NRXN3: variants seen among roughly 807,000 people sequenced by gnomAD.
NRXN3 encodes the protein neurexin 3, also known as neurexin III.
Under a neutral mutation model 137.6 loss-of-function variants are expected in NRXN3, and 32 were observed. That is an observed-to-expected ratio of 0.23 (90% CI 0.18 to 0.31). NRXN3 has a LOEUF of 0.31. Among genes scored for constraint, NRXN3 ranks in the 10% least tolerant of loss-of-function variants. The pLI, the probability that NRXN3 is intolerant of heterozygous loss-of-function variation, is 1.00. For synonymous variants in NRXN3, 798 were observed against 784.5 expected (o/e 1.02, Z -0.29); for missense variants, 1,574 against 2,062.5 (o/e 0.76, Z 4.59).
At position 78,226,515 on chromosome 14, in the gene NRXN3, C is replaced by T. The variant is rs560411201; in HGVS notation, c.-703-15876C>T. Among the ~76,000 whole-genome samples the T allele has an allele frequency of 6.6e-5, 10 of 152,260 alleles. 1 individual carries two copies. The South Asian group carries it at 2.1e-3, about 32-fold the overall frequency. On this transcript the variant is annotated intron_variant, in intron 1 of 20. Coordinates refer to ENST00000335750, the MANE Select transcript of NRXN3 (RefSeq NM_001330195.2). ...AAAGAGAGAGAGTTTTGTTACCTTT[C>T]AAGCATAGCAGGTTTTTGAAAGCTA...
intron 4 of NRXN3, among the ~76,000 whole-genome samples, chr14:78,631,255 G>A (rs2152533982): frequency 6.6e-6 from 1 of 152,238 alleles, no homozygotes; most frequent in Non-Finnish European, 1.5e-5. Context: ...TGAGCCACCG[G>A]TCCTCATTTT....
intron 8 of NRXN3, among the ~76,000 whole-genome samples, chr14:78,743,188 C>G (rs1350192221): frequency 2.0e-5 from 3 of 152,128 alleles, no homozygotes; most frequent in African/African-American, 7.2e-5. Context: ...CTCTCAAAGC[C>G]TCAGTTTTTA....
At chr14:78,456,902 CTCCTTCCT>C (rs368874220) in intron 4 of NRXN3, among the ~76,000 whole-genome samples, 1 of 135,110 alleles carries the variant, frequency 7.4e-6, no homozygotes, top group Non-Finnish European at 1.6e-5. Context: ...TCGTTCATTC[CTCCTTCCT>C]TCCTTCCTTC....
intron 4 of NRXN3, among the ~76,000 whole-genome samples, chr14:78,470,221 CTTCAGAG>C (rs779696530): frequency 1.3e-5 from 2 of 152,182 alleles, no homozygotes; most frequent in Non-Finnish European, 2.9e-5. Context: ...TTCAGGGTTT[CTTCAGAG>C]TGGCATGAGA....
chr14:79,631,529 C>G (rs2098346971), intron 16 of NRXN3, among the ~76,000 whole-genome samples: 1 of 152,254 alleles, frequency 6.6e-6, no homozygotes. Context: ...TGGCCCCGCA[C>G]TGGGCGCAGC....
chr14:79,035,874 C>T (rs184700537), intron 15 of NRXN3, among the ~76,000 whole-genome samples: 5 of 152,032 alleles, frequency 3.3e-5, no homozygotes, highest in African/African-American at 7.2e-5. Flanking sequence ...TAACTGTTCC[C>T]CCACTACTTT....
At chr14:78,451,347 A>G (rs1481097194) in intron 4 of NRXN3, among the ~76,000 whole-genome samples, 1 of 152,260 alleles carries the variant, frequency 6.6e-6, no homozygotes, top group Non-Finnish European at 1.5e-5. Flanking sequence ...AGTTGAGAGT[A>G]CCTACATTTC....
chr14:78,247,544 G>T (rs2067872354), intron 2 of NRXN3, among the ~76,000 whole-genome samples: 1 of 152,144 alleles, frequency 6.6e-6, no homozygotes, highest in Non-Finnish European at 1.5e-5. Context: ...TGCTTTGGTG[G>T]TCAACTAGAC....
At chr14:79,384,334 G>A (rs886938696) in intron 15 of NRXN3, among the ~76,000 whole-genome samples, 1 of 152,122 alleles carries the variant, frequency 6.6e-6, no homozygotes, top group Non-Finnish European at 1.5e-5. Flanking sequence ...GTCAGTTAAT[G>A]TCTAGGATAT....
chr14:78,453,804 A>G (rs1243350354), intron 4 of NRXN3, among the ~76,000 whole-genome samples: 1 of 152,182 alleles, frequency 6.6e-6, no homozygotes, highest in Non-Finnish European at 1.5e-5. Context: ...TGTGAACATG[A>G]AGGCAGAGAT....
intron 20 of NRXN3, among the ~76,000 whole-genome samples, chr14:79,837,838 T>C (rs2099347425): frequency 6.6e-6 from 1 of 152,188 alleles, no homozygotes; most frequent in South Asian, 2.1e-4. Flanking sequence ...TTTTCCAACA[T>C]TTAAACTCTT....
chr14:78,295,220 G>T (rs975987713), intron 3 of NRXN3, among the ~76,000 whole-genome samples: 3 of 152,076 alleles, frequency 2.0e-5, no homozygotes, highest in Non-Finnish European at 4.4e-5. Context: ...TGGTTACATG[G>T]TTTCTCCCCC....
chr14:79,852,811 CTT>C (rs1179541689), intron 20 of NRXN3, among the ~76,000 whole-genome samples: 1 of 151,582 alleles, frequency 6.6e-6, no homozygotes, highest in African/African-American at 2.4e-5. Context: ...TTTCTTTAAA[CTT>C]TTTGTTTTTT....
At chr14:79,392,233 G>C (rs1773308448) in intron 15 of NRXN3, among the ~76,000 whole-genome samples, 1 of 152,166 alleles carries the variant, frequency 6.6e-6, no homozygotes, top group Non-Finnish European at 1.5e-5. Context: ...TTATGAGTGA[G>C]AACATGTGGT....
At chr14:79,177,254 T>A (rs929984705) in intron 15 of NRXN3, among the ~76,000 whole-genome samples, 1 of 152,174 alleles carries the variant, frequency 6.6e-6, no homozygotes. Flanking sequence ...CTGGTTGGCG[T>A]TATAAATATG....
chr14:79,573,174 C>CTT (rs1366686422), intron 16 of NRXN3, among the ~76,000 whole-genome samples: 7 of 152,094 alleles, frequency 4.6e-5, no homozygotes, highest in Non-Finnish European at 1.0e-4. Context: ...GTCCATGTAT[C>CTT]TTTGACTCAA....
rs145641990 is a variant in NRXN3, at chr14:79,571,272, A to G, written c.3445-92506A>G. On this transcript the variant is annotated intron_variant, in intron 16 of 20. Transcript: ENST00000335750. Reference sequence around the variant, plus strand: ...TTGTTAAGCAAATGGACTATTTTACAATCCAAGAAAATGAACAAAATTCCG... The same window carrying G: ...TTGTTAAGCAAATGGACTATTTTACGATCCAAGAAAATGAACAAAATTCCG... 5.2e-3 allele frequency among the ~76,000 whole-genome samples: 799 copies of G among 152,274 alleles called. 6 individuals are homozygous for G. Among genetic ancestry groups the G allele is most frequent in the African/African-American group, 0.018 (763 of 41,572 alleles).
chr14:79,821,251 G>A (rs1399098408), intron 20 of NRXN3, among the ~76,000 whole-genome samples: 1 of 152,086 alleles, frequency 6.6e-6, no homozygotes, highest in Non-Finnish European at 1.5e-5. Context: ...TTACCATGTG[G>A]CTAGTTGGTT....
intron 15 of NRXN3, among the ~76,000 whole-genome samples, chr14:79,149,526 A>G: frequency 6.6e-6 from 1 of 152,122 alleles, no homozygotes. Context: ...AAAGGAATAT[A>G]AATCATTCTG....
Sources: gnomAD v4.1 joint callset for allele counts (sites outside exome capture counted in the v4.1 genomes callset) on GRCh38, gnomAD v4.1.1 for gene constraint, MANE v1.5 for transcripts, NCBI Gene and HGNC (gene_info 2026-07-23, HGNC 2026-07-21) for gene names.